Variants in PPM1H observed in about 807,000 individuals in gnomAD.
The protein encoded by PPM1H is protein phosphatase, Mg2+/Mn2+ dependent 1H.
PPM1H carries 27 observed loss-of-function variants against 54.9 expected under a neutral mutation model. The observed-to-expected ratio is 0.49, with a 90% CI of 0.36 to 0.68. The LOEUF (loss-of-function observed/expected upper bound fraction) is 0.68, where lower values mean the gene tolerates loss of function less well. Ranked by LOEUF, PPM1H falls within the 30% of genes least tolerant of loss-of-function variation. The pLI is 0.00. For missense variants in PPM1H, 596 were observed against 667.8 expected (o/e 0.89, Z 1.19); for synonymous variants, 305 against 270.8 (o/e 1.13, Z -1.24).
chr12:62,800,382 G>A (rs534531588), intron 3 of PPM1H, among the ~76,000 whole-genome samples: 1 of 151,854 alleles, frequency 6.6e-6, no homozygotes, highest in South Asian at 2.1e-4. Context: ...TGTTGCCCAG[G>A]CTGGAGTGCA....
At chr12:62,830,791 G>C (rs557397170) in intron 2 of PPM1H, among the ~76,000 whole-genome samples, 2 of 152,262 alleles carry the variant, frequency 1.3e-5, no homozygotes, top group Non-Finnish European at 2.9e-5. Context: ...AATTAAACTA[G>C]GACTAACAAA....
intron 8 of PPM1H, 97 bp from the exon 9 acceptor site, chr12:62,667,426 G>A: frequency 8.8e-7 from 1 of 1,131,054 alleles, no homozygotes; most frequent in East Asian, 2.6e-5. Flanking sequence ...TTCCTGCCCA[G>A]CCTAGTGGTT....
At chr12:62,669,731 TGACC>T (rs1367959413) in intron 8 of PPM1H, among the ~76,000 whole-genome samples, 2 of 152,014 alleles carry the variant, frequency 1.3e-5, no homozygotes, top group Non-Finnish European at 2.9e-5. Flanking sequence ...CAGGAGTTCG[TGACC>T]AGCCTGGGCA....
chr12:62,900,996 C>CAAA (rs1489865640), intron 1 of PPM1H, among the ~76,000 whole-genome samples: 232 of 152,288 alleles, frequency 1.5e-3, no homozygotes, highest in African/African-American at 5.4e-3. Context: ...GGTCTTTCCC[C>CAAA]CTTACTGCCA....
chr12:62,790,400 A>G (rs1294961070), intron 3 of PPM1H, among the ~76,000 whole-genome samples: 4 of 152,038 alleles, frequency 2.6e-5, no homozygotes, highest in Admixed American at 2.0e-4. Context: ...ACATAGTGAT[A>G]CCCCCATCTC....
intron 8 of PPM1H, among the ~76,000 whole-genome samples, chr12:62,683,075 A>ATTATTATTATTG (rs1565755456): frequency 1.7e-5 from 2 of 118,394 alleles, no homozygotes; most frequent in Non-Finnish European, 3.5e-5. Flanking sequence ...TATTATTATT[A>ATTATTATTATTG]TTATTATTAT....
chr12:62,887,378 C>A (rs1870628870), intron 1 of PPM1H, among the ~76,000 whole-genome samples: 1 of 152,192 alleles, frequency 6.6e-6, no homozygotes, highest in Non-Finnish European at 1.5e-5. Context: ...GACCTTGCTG[C>A]TCCTTAGGAA....
chr12:62,927,121 G>A (rs755670870), intron 1 of PPM1H, among the ~76,000 whole-genome samples: 2 of 152,194 alleles, frequency 1.3e-5, no homozygotes, highest in Non-Finnish European at 2.9e-5. Context: ...ATACTAAAGT[G>A]GTAGACACTG....
chr12:62,658,536 C>T (rs1262940930), intron 9 of PPM1H, among the ~76,000 whole-genome samples: 1 of 152,116 alleles, frequency 6.6e-6, no homozygotes, highest in Non-Finnish European at 1.5e-5. Flanking sequence ...AGATATTTTG[C>T]ATCAGAAAAC....
rs145837499 is a variant in PPM1H, at chr12:62,691,034, T to C, written c.1138-1228A>G. Among the ~76,000 whole-genome samples the C allele has an allele frequency of 5.9e-4, 90 of 152,110 alleles. 1 individual carries two copies. Among genetic ancestry groups the C allele is most frequent in the African/African-American group, 2.0e-3 (83 of 41,510 alleles). On this transcript the variant is annotated intron_variant, in intron 7 of 9. Coordinates refer to ENST00000228705, the MANE Select transcript of PPM1H (RefSeq NM_020700.2). ...CTTGGTAAGGGAGATAAGAGGGAGA[T>C]GTGTAATTAATAACACATAAAATAT...
intron 2 of PPM1H, among the ~76,000 whole-genome samples, chr12:62,808,382 C>T (rs2076817447): frequency 6.9e-6 from 1 of 143,952 alleles, no homozygotes; most frequent in Non-Finnish European, 1.5e-5. Context: ...CCCTACCCTA[C>T]CACCAGAGGG....
At chr12:62,734,378 G>T (rs11174626) in intron 5 of PPM1H, among the ~76,000 whole-genome samples, 16,495 of 152,208 alleles carry the variant, frequency 0.11, 950 homozygotes, top group East Asian at 0.22. Context: ...ATAGCTAAAT[G>T]AGTAGTACTT....
At chr12:62,850,125 C>G (rs1021609946) in intron 1 of PPM1H, among the ~76,000 whole-genome samples, 2 of 151,860 alleles carry the variant, frequency 1.3e-5, no homozygotes, top group Non-Finnish European at 2.9e-5. Flanking sequence ...CCATGCCTGG[C>G]TAATTTTTTT....
At chr12:62,763,394 A>C (rs2076522181) in intron 4 of PPM1H, among the ~76,000 whole-genome samples, 1 of 152,244 alleles carries the variant, frequency 6.6e-6, no homozygotes, top group African/African-American at 2.4e-5. Context: ...CAGATAGGGT[A>C]AATGTGCATG....
In PPM1H at chr12:62,863,159, C is replaced by T. The variant is rs1405968545; in HGVS notation, c.246-30880G>A. Among the ~76,000 whole-genome samples, 14 of 152,074 alleles carry T rather than the reference C, an allele frequency of 9.2e-5. No homozygotes were observed. The East Asian group carries it at 2.3e-3, about 25-fold the overall frequency. On this transcript the variant is annotated intron_variant, in intron 1 of 9. Transcript: ENST00000228705. Reference sequence around the variant, plus strand: ...CCTCAGCCTCCAGCATAGCTGGGACCGCAGGTGCGTGCCACTACACCTGGC... The same window carrying T: ...CCTCAGCCTCCAGCATAGCTGGGACTGCAGGTGCGTGCCACTACACCTGGC...
At chr12:62,745,030 G>T (rs2076402281) in intron 4 of PPM1H, among the ~76,000 whole-genome samples, 1 of 152,056 alleles carries the variant, frequency 6.6e-6, no homozygotes, top group Non-Finnish European at 1.5e-5. Context: ...TTTGCCTCTT[G>T]CCAGGACTAC....
chr12:62,888,314 T>C (rs1319250239), intron 1 of PPM1H, among the ~76,000 whole-genome samples: 1 of 151,976 alleles, frequency 6.6e-6, no homozygotes, highest in African/African-American at 2.4e-5. Flanking sequence ...GCTCTGCCCA[T>C]GAGGAAGAAG....
At chr12:62,777,525 T>C (rs533913310) in intron 4 of PPM1H, among the ~76,000 whole-genome samples, 17 of 152,326 alleles carry the variant, frequency 1.1e-4, no homozygotes, top group African/African-American at 3.8e-4. Flanking sequence ...CTATGTAATA[T>C]ATGCACGATG....
chr12:62,726,528 A>C (rs2076290353), intron 5 of PPM1H, among the ~76,000 whole-genome samples: 1 of 152,212 alleles, frequency 6.6e-6, no homozygotes, highest in Non-Finnish European at 1.5e-5. Context: ...ACTGCTGAGA[A>C]GAGCGTTACT....
Sources: allele counts gnomAD v4.1 joint callset (sites outside exome capture counted in the v4.1 genomes callset), GRCh38; gene constraint gnomAD v4.1.1; transcripts MANE v1.5; gene names NCBI Gene and HGNC (gene_info 2026-07-23, HGNC 2026-07-21).